PARD3B: variants seen among roughly 807,000 people sequenced by gnomAD.
PARD3B encodes par-3 family cell polarity regulator beta.
A neutral mutation model predicts 130.2 loss-of-function variants in PARD3B; 103 were observed. The ratio of observed to expected loss-of-function variants is 0.79; its 90% CI spans 0.67 to 0.93. PARD3B has a LOEUF of 0.93. PARD3B is among the 40% of genes least tolerant of loss of function. The pLI, the probability that PARD3B is intolerant of heterozygous loss-of-function variation, is 0.00. For missense variants in PARD3B, 1,609 were observed against 1,499.2 expected, an observed-to-expected ratio of 1.07 and a Z score of -1.21; for synonymous variants, 583 against 553.2, an observed-to-expected ratio of 1.05 and a Z score of -0.76.
intron 21 of PARD3B, among the ~76,000 whole-genome samples, chr2:205,542,224 A>G (rs1182104263): frequency 6.7e-6 from 1 of 149,392 alleles, no homozygotes; most frequent in Non-Finnish European, 1.5e-5. Context: ...AAGATCATTG[A>G]GCATGCATAA....
At chr2:205,067,355 G>A (rs1477967200) in intron 4 of PARD3B, among the ~76,000 whole-genome samples, 1 of 151,794 alleles carries the variant, frequency 6.6e-6, no homozygotes, top group African/African-American at 2.4e-5. Context: ...TAGAGATAGA[G>A]GTTTCACTAG....
intron 4 of PARD3B, among the ~76,000 whole-genome samples, chr2:205,081,995 C>A (rs1701442681): frequency 6.6e-6 from 1 of 151,970 alleles, no homozygotes. Context: ...GTAATCTCGG[C>A]CTGGAGTTAT....
chr2:205,049,765 G>A (rs994963151), intron 4 of PARD3B, among the ~76,000 whole-genome samples: 5 of 152,150 alleles, frequency 3.3e-5, no homozygotes, highest in African/African-American at 1.2e-4. Context: ...AAGAATAAAT[G>A]CTGGCGCCCA....
At chr2:204,579,963 ATGAC>A (rs2032467640) in intron 1 of PARD3B, among the ~76,000 whole-genome samples, 1 of 152,254 alleles carries the variant, frequency 6.6e-6, no homozygotes, top group South Asian at 2.1e-4. Context: ...GTTTCCTTGA[ATGAC>A]TCTTCTTTGA....
chr2:204,771,743 A>C (rs1352307964), intron 2 of PARD3B, among the ~76,000 whole-genome samples: 1 of 152,122 alleles, frequency 6.6e-6, no homozygotes, highest in Non-Finnish European at 1.5e-5. Context: ...AAACACATCC[A>C]TTCATACCTA....
chr2:204,571,305 A>G (rs1365281815), intron 1 of PARD3B, among the ~76,000 whole-genome samples: 1 of 152,220 alleles, frequency 6.6e-6, no homozygotes, highest in East Asian at 1.9e-4. Context: ...CCTCAGGCAT[A>G]GAGTAGCTTA....
intron 16 of PARD3B, among the ~76,000 whole-genome samples, chr2:205,267,289 C>T (rs1344305091): frequency 1.4e-5 from 2 of 145,610 alleles, no homozygotes; most frequent in Non-Finnish European, 3.1e-5. Flanking sequence ...TTGCTATGTA[C>T]TGATATTGTA....
At chr2:205,004,707 T>C (rs1695112302) in intron 3 of PARD3B, among the ~76,000 whole-genome samples, 1 of 152,222 alleles carries the variant, frequency 6.6e-6, no homozygotes. Flanking sequence ...CAAATAAATA[T>C]TGCATTTCTC....
intron 3 of PARD3B, among the ~76,000 whole-genome samples, chr2:205,001,990 A>G (rs901592569): frequency 6.6e-6 from 1 of 152,238 alleles, no homozygotes; most frequent in African/African-American, 2.4e-5. Context: ...GATTAAATTT[A>G]GGAAGAAATC....
intron 22 of PARD3B, among the ~76,000 whole-genome samples, chr2:205,576,318 C>CT (rs200866403): frequency 0.18 from 23,705 of 134,524 alleles, 2,116 homozygotes; most frequent in East Asian, 0.36. Flanking sequence ...CAATTGGTGG[C>CT]TTTTTTTTTT....
intron 21 of PARD3B, among the ~76,000 whole-genome samples, chr2:205,544,060 A>G (rs1471417764): frequency 2.6e-5 from 4 of 152,336 alleles, no homozygotes; most frequent in Admixed American, 6.5e-5. Flanking sequence ...CACAGAGTGT[A>G]CAATAAAACA....
intron 1 of PARD3B, among the ~76,000 whole-genome samples, chr2:204,592,176 T>G (rs563085421): frequency 3.3e-5 from 5 of 152,222 alleles, no homozygotes; most frequent in Non-Finnish European, 7.3e-5. Flanking sequence ...ACCAACCGCA[T>G]CAATTTAGGA....
chr2:204,880,332 G>T (rs147300246), intron 2 of PARD3B, among the ~76,000 whole-genome samples: 236 of 152,210 alleles, frequency 1.6e-3, no homozygotes, highest in South Asian at 3.7e-3. Context: ...TACATATATA[G>T]AGAGAGAGCA....
chr2:205,485,430 C>G (rs1164705448), intron 20 of PARD3B, among the ~76,000 whole-genome samples: 2 of 152,164 alleles, frequency 1.3e-5, no homozygotes, highest in East Asian at 3.9e-4. Flanking sequence ...AAATAGAGAA[C>G]TTTTGCCAAT....
At chr2:205,207,687 A>G (rs866115131) in intron 15 of PARD3B, among the ~76,000 whole-genome samples, 1 of 135,518 alleles carries the variant, frequency 7.4e-6, no homozygotes, top group South Asian at 2.4e-4. Context: ...GAATCTCTGA[A>G]TAGACCAATA....
rs1553617386 is a variant in PARD3B, at chr2:205,117,915, G to GTACACACACACACACACACA, written c.681-1005_681-986dup. Among the ~76,000 whole-genome samples, 278 of 133,214 alleles carry GTACACACACACACACACACA rather than the reference G, an allele frequency of 2.1e-3. 2 individuals are homozygous for GTACACACACACACACACACA. The highest frequency in any genetic ancestry group is 5.5e-3 in the South Asian group (21 of 3,840). 87.4% of individuals were successfully genotyped at this position (133,214 alleles called of 152,430 possible). A position where few individuals can be genotyped will look rare whatever the true frequency, so the allele number is the denominator to read the frequency against. On this transcript the variant is annotated intron_variant, in intron 6 of 22. Transcript: ENST00000406610. ...GTAACAGAATTGTGTATGTATGTGT[G>GTACACACACACACACACACA]TACACACACACACACACACACATAC... is the stretch of plus-strand genomic sequence containing the variant.
intron 2 of PARD3B, among the ~76,000 whole-genome samples, chr2:204,808,031 G>C (rs948504453): frequency 1.3e-5 from 2 of 151,902 alleles, no homozygotes; most frequent in Non-Finnish European, 2.9e-5. Flanking sequence ...ACTCTAATGT[G>C]ATTATTACAC....
chr2:205,235,154 C>T (rs911755481), intron 15 of PARD3B, among the ~76,000 whole-genome samples: 1 of 152,120 alleles, frequency 6.6e-6, no homozygotes, highest in African/African-American at 2.4e-5. Flanking sequence ...TGTGAAATGG[C>T]TCACACCTGT....
chr2:205,274,345 G>C lies in PARD3B; in HGVS notation c.2186-26185G>C, dbSNP rs1022804915. ...AGAAAATTTGCAAGAATAATCAGCT[G>C]ATTTCATTCCTGATGTATAAAGGAA... On this transcript the variant is annotated intron_variant, in intron 16 of 22. Coordinates refer to ENST00000406610, the MANE Select transcript of PARD3B (RefSeq NM_001302769.2). This position sits in a 1 kb window ranked among gnomAD's most constrained non-coding sequence, Gnocchi z 4.2. Among the ~76,000 whole-genome samples, 1 of 151,920 alleles carries C rather than the reference G, an allele frequency of 6.6e-6. No individual in the cohort carries two copies. Among genetic ancestry groups the C allele is most frequent in the Non-Finnish European group, 1.5e-5 (1 of 67,942 alleles).
Sources: gnomAD v4.1 joint callset for allele counts (sites outside exome capture counted in the v4.1 genomes callset) on GRCh38, gnomAD v4.1.1 for gene constraint, Gnocchi (gnomAD v3.1) non-coding constraint, MANE v1.5 for transcripts, NCBI Gene and HGNC (gene_info 2026-07-23, HGNC 2026-07-21) for gene names.